CNTN4: variants seen among roughly 807,000 people sequenced by gnomAD.
CNTN4 encodes the protein contactin 4.
A neutral mutation model predicts 122.5 loss-of-function variants in CNTN4; 77 were observed. The ratio of observed to expected loss-of-function variants is 0.63; its 90% CI spans 0.52 to 0.76. The LOEUF (loss-of-function observed/expected upper bound fraction) is 0.76. Among genes scored for constraint, CNTN4 ranks in the 30% least tolerant of loss-of-function variants. The pLI, the probability that CNTN4 is intolerant of heterozygous loss-of-function variation, is 0.00. For missense variants in CNTN4, 1,256 were observed against 1,259.1 expected (o/e 1.00, Z 0.04); for synonymous variants, 512 against 447.0 (o/e 1.15, Z -1.83).
chr3:2,703,636 A>T (rs1405593944), intron 4 of CNTN4, among the ~76,000 whole-genome samples: 3 of 152,108 alleles, frequency 2.0e-5, no homozygotes, highest in Non-Finnish European at 4.4e-5. Flanking sequence ...CAAACTAGAA[A>T]CTATAGATAA....
chr3:2,881,999 A>G (rs900291717), intron 8 of CNTN4, among the ~76,000 whole-genome samples: 3 of 152,236 alleles, frequency 2.0e-5, no homozygotes, highest in Admixed American at 6.5e-5. Flanking sequence ...CTGATCAGAG[A>G]TGGAATAAGA....
chr3:2,648,821 A>C (rs1273543482), intron 4 of CNTN4, among the ~76,000 whole-genome samples: 5 of 152,226 alleles, frequency 3.3e-5, no homozygotes, highest in African/African-American at 9.6e-5. Context: ...TCTTGCGCCA[A>C]ATGGTTGGCT....
intron 4 of CNTN4, among the ~76,000 whole-genome samples, chr3:2,706,849 T>G (rs559571541): frequency 3.3e-5 from 5 of 152,286 alleles, no homozygotes; most frequent in Admixed American, 6.5e-5. Context: ...ACAAGTCTCT[T>G]AAGGTCTCTG....
chr3:2,431,685 C>G (rs2048078528), intron 3 of CNTN4, among the ~76,000 whole-genome samples: 1 of 152,018 alleles, frequency 6.6e-6, no homozygotes, highest in South Asian at 2.1e-4. Flanking sequence ...ACATGCTGGC[C>G]CTGACCTCAG....
chr3:2,902,795 T>G, intron 11 of CNTN4, 81 bp from the exon 12 acceptor site: 1 of 1,456,924 alleles, frequency 6.9e-7, no homozygotes, highest in Non-Finnish European at 9.5e-7. Context: ...TTAAGCTTCC[T>G]TGATATTACA....
intron 2 of CNTN4, among the ~76,000 whole-genome samples, chr3:2,237,603 C>T (rs1157611240): frequency 1.3e-5 from 2 of 152,152 alleles, no homozygotes; most frequent in African/African-American, 2.4e-5. Context: ...AATTGTTGTG[C>T]ACCTTCTCTA....
At chr3:2,139,702 G>C (rs1265362824) in intron 2 of CNTN4, among the ~76,000 whole-genome samples, 1 of 152,196 alleles carries the variant, frequency 6.6e-6, no homozygotes, top group East Asian at 1.9e-4. Flanking sequence ...TGGTTGGGGA[G>C]TGTCACACCA....
intron 4 of CNTN4, among the ~76,000 whole-genome samples, chr3:2,621,789 C>T (rs1389040460): frequency 6.6e-6 from 1 of 151,964 alleles, no homozygotes; most frequent in African/African-American, 2.4e-5. Flanking sequence ...ATATTAATTC[C>T]ATTTCACAAA....
chr3:2,350,367 C>G lies in CNTN4; in HGVS notation c.-89+11134C>G, dbSNP rs188573812. ...TGCTGAATAATCTTCTTAACCTCAT[C>G]TTTACTCCACAGGGAGAAAAATAAC... On this transcript the variant is annotated intron_variant, in intron 3 of 24. Coordinates refer to ENST00000418658, the MANE Select transcript of CNTN4 (RefSeq NM_175607.3). Among the ~76,000 whole-genome samples the G allele has an allele frequency of 9.5e-4, 145 of 152,282 alleles. No individual in the cohort carries two copies. In the East Asian group the frequency reaches 0.014, roughly 14 times the overall value.
chr3:2,759,896 CAT>C (rs1252124557), intron 6 of CNTN4, among the ~76,000 whole-genome samples: 1 of 152,172 alleles, frequency 6.6e-6, no homozygotes. Context: ...TGTGATGTCT[CAT>C]GTGGTTTAGA....
At chr3:2,488,801 A>C (rs2076234297) in intron 3 of CNTN4, among the ~76,000 whole-genome samples, 1 of 152,222 alleles carries the variant, frequency 6.6e-6, no homozygotes, top group East Asian at 1.9e-4. Context: ...GAAATGCATA[A>C]ACTTCTCTAT....
At chr3:2,395,250 A>G (rs1032928470) in intron 3 of CNTN4, among the ~76,000 whole-genome samples, 4 of 152,204 alleles carry the variant, frequency 2.6e-5, no homozygotes, top group Non-Finnish European at 4.4e-5. Flanking sequence ...ACAGGAAGCC[A>G]TACACAAGGA....
intron 3 of CNTN4, among the ~76,000 whole-genome samples, chr3:2,380,396 G>T (rs1331666562): frequency 2.6e-5 from 4 of 152,116 alleles, no homozygotes; most frequent in African/African-American, 9.7e-5. Flanking sequence ...TGATGTTGTA[G>T]ATTGGAAAGA....
In CNTN4 at chr3:2,902,875, G is replaced by A. The variant is rs867536348; in HGVS notation, c.1078-1G>A. ...TTTTATGTTCCTCTTTTCTTTCACA[G>A]GATAGAATTCAAATTGAGCAAGGAA... is the stretch of plus-strand genomic sequence containing the variant. On this transcript the variant is annotated splice_acceptor_variant, in intron 11 of 24. Coordinates refer to ENST00000418658, the MANE Select transcript of CNTN4 (RefSeq NM_175607.3). LOFTEE classifies it high-confidence loss of function. 2 of 1,612,502 alleles carry A rather than the reference G, an allele frequency of 1.2e-6. No individual in the cohort carries two copies.
intron 4 of CNTN4, among the ~76,000 whole-genome samples, chr3:2,600,134 A>G (rs921009989): frequency 2.7e-5 from 4 of 146,944 alleles, no homozygotes; most frequent in East Asian, 2.0e-4. Flanking sequence ...TTCAAATACC[A>G]TTTTGCCCCA....
chr3:2,361,984 AG>A (rs1410814844), intron 3 of CNTN4, among the ~76,000 whole-genome samples: 2 of 152,200 alleles, frequency 1.3e-5, no homozygotes, highest in African/African-American at 4.8e-5. Flanking sequence ...CCTGAGTTGG[AG>A]GGGTCTAGGA....
rs1239191225 is a variant in CNTN4, at chr3:3,056,228, T to C, written c.*8T>C. Reference sequence around the variant, plus strand: ...GCTAGGTCCAGTTTATGACAAAAGTTATCTGAAGGACTTGCTGTTTATAAT... The same window carrying C: ...GCTAGGTCCAGTTTATGACAAAAGTCATCTGAAGGACTTGCTGTTTATAAT... On this transcript the variant is annotated 3_prime_UTR_variant, in exon 25 of 25. Coordinates refer to ENST00000418658, the MANE Select transcript of CNTN4 (RefSeq NM_175607.3). 1.3e-6 allele frequency: 2 copies of C among 1,598,308 alleles called. No individual in the cohort carries two copies. The highest frequency in any genetic ancestry group is 3.3e-5 in the Admixed American group (2 of 60,014).
chr3:2,985,525 C>T (rs1162816676), intron 13 of CNTN4: 2 of 152,436 alleles, frequency 1.3e-5, no homozygotes, highest in Non-Finnish European at 2.9e-5. Flanking sequence ...ACCCGCAAAT[C>T]CTTCAACAAC....
intron 2 of CNTN4, among the ~76,000 whole-genome samples, chr3:2,181,552 C>T (rs1372626848): frequency 6.6e-6 from 1 of 152,000 alleles, no homozygotes; most frequent in African/African-American, 2.4e-5. Flanking sequence ...CTCTGAGTCC[C>T]CTGACTACTA....
Sources: gnomAD v4.1 joint callset for allele counts (sites outside exome capture counted in the v4.1 genomes callset) on GRCh38, gnomAD v4.1.1 for gene constraint, MANE v1.5 for transcripts, NCBI Gene and HGNC (gene_info 2026-07-23, HGNC 2026-07-21) for gene names.